The following CFAP91 variants were observed in gnomAD, a reference collection of about 807,000 sequenced individuals.
The protein encoded by CFAP91 is cilia and flagella associated protein 91.
Under a neutral mutation model 95.9 loss-of-function variants are expected in CFAP91, and 85 were observed. That is an observed-to-expected ratio of 0.89 (90% CI 0.74 to 1.06). The LOEUF (loss-of-function observed/expected upper bound fraction) is 1.06. CFAP91 is among the 50% of genes least tolerant of loss of function. CFAP91 has a pLI of 0.00. For missense variants in CFAP91, 962 were observed against 943.4 expected (o/e 1.02, Z -0.26); for synonymous variants, 335 against 327.5 (o/e 1.02, Z -0.25).
At chr3:119,721,717 G>A (rs2053687738) in intron 6 of CFAP91, among the ~76,000 whole-genome samples, 2 of 152,194 alleles carry the variant, frequency 1.3e-5, no homozygotes, top group Non-Finnish European at 1.5e-5. Flanking sequence ...AGTGCAGCAA[G>A]ATAAGAGAAA....
chr3:119,753,752 A>C (rs2107916606), intron 17 of CFAP91, among the ~76,000 whole-genome samples: 1 of 152,228 alleles, frequency 6.6e-6, no homozygotes, highest in African/African-American at 2.4e-5. Flanking sequence ...ATTTTGGTAC[A>C]CCCATCACCA....
chr3:119,724,533 T>C (rs1480504647), intron 6 of CFAP91, among the ~76,000 whole-genome samples: 1 of 152,096 alleles, frequency 6.6e-6, no homozygotes, highest in Non-Finnish European at 1.5e-5. Flanking sequence ...TAGATACATA[T>C]ATATACATAT....
intron 14 of CFAP91, 140 bp downstream of exon 14, chr3:119,744,336 C>A: frequency 1.6e-6 from 1 of 631,874 alleles, no homozygotes; most frequent in Non-Finnish European, 2.7e-6. Context: ...TACAGAGGCA[C>A]TGTGGGAAAC....
intron 7 of CFAP91, among the ~76,000 whole-genome samples, 154 bp from the exon 8 acceptor site, chr3:119,730,066 C>T (rs1308136846): frequency 6.6e-6 from 1 of 152,166 alleles, no homozygotes; most frequent in African/African-American, 2.4e-5. Context: ...CCCCCACGCC[C>T]TCAATTCATC....
chr3:119,722,456 C>CA lies in CFAP91; in HGVS notation c.683-3707dup, dbSNP rs201656889. On this transcript the variant is annotated intron_variant, in intron 6 of 17. Coordinates refer to ENST00000273390, the MANE Select transcript of CFAP91 (RefSeq NM_033364.4). ...CCTAGGTGACAGAGCAAGACTCTGCCAAAAAAAAGAAAAAAATCTTGAAAA... is the reference window on the plus strand; with the variant it reads ...CCTAGGTGACAGAGCAAGACTCTGCCAAAAAAAAAGAAAAAAATCTTGAAAA... Among the ~76,000 whole-genome samples, 1,113 of 150,842 alleles carry CA rather than the reference C, an allele frequency of 7.4e-3. 7 individuals are homozygous for CA. The highest frequency in any genetic ancestry group is 0.038 in the Middle Eastern group (11 of 292).
chr3:119,709,878 T>G lies in CFAP91; in HGVS notation c.483T>G (p.Val161=). 1 of 1,611,886 alleles carries G rather than the reference T, an allele frequency of 6.2e-7. No individual in the cohort carries two copies. The highest frequency in any genetic ancestry group is 8.5e-7 in the Non-Finnish European group (1 of 1,178,000). The change falls in exon 5 of 18, where the codon GTT becomes GTG. Residue 161 remains valine, a synonymous_variant. Coordinates refer to ENST00000273390, the MANE Select transcript of CFAP91 (RefSeq NM_033364.4). ...TTTTTCAGCAGATGCCATTCAATGTTGTTTATGCCGTATCCAAGTAAGTAA... is the reference window on the plus strand; with the variant it reads ...TTTTTCAGCAGATGCCATTCAATGTGGTTTATGCCGTATCCAAGTAAGTAA... ...LPFFQQMPFN[V]VYAVSKAEPY... is the part of the protein sequence containing the mutation.
chr3:119,754,202 T>C (rs2054380507), intron 17 of CFAP91, among the ~76,000 whole-genome samples: 1 of 152,226 alleles, frequency 6.6e-6, no homozygotes, highest in Admixed American at 6.5e-5. Context: ...GTGACCCTTA[T>C]TATAAAATGG....
intron 5 of CFAP91, among the ~76,000 whole-genome samples, chr3:119,712,530 G>A (rs1308429452): frequency 6.6e-6 from 1 of 152,126 alleles, no homozygotes; most frequent in Non-Finnish European, 1.5e-5. Flanking sequence ...CTGATTTGAA[G>A]TTATTTATTC....
Position 119,744,682 on chromosome 3 carries a change from A to AG in CFAP91, c.1902+490dup, listed in dbSNP as rs140551929. On this transcript the variant is annotated intron_variant, in intron 14 of 17. Coordinates refer to ENST00000273390, the MANE Select transcript of CFAP91 (RefSeq NM_033364.4). ...GGAAAGTTGAGAGAGGAATAAGCTT[A>AG]GGGGCAGGGGAGGAATCAGGAAATC... is the stretch of plus-strand genomic sequence containing the variant. Among the ~76,000 whole-genome samples the AG allele has an allele frequency of 2.0e-5, 3 of 152,298 alleles. No homozygotes were observed. In the East Asian group the frequency reaches 5.8e-4, roughly 29 times the overall value.
chr3:119,714,323 G>T (rs547437460), intron 5 of CFAP91, among the ~76,000 whole-genome samples: 30 of 146,722 alleles, frequency 2.0e-4, no homozygotes. Flanking sequence ...CCGAGATCGC[G>T]CTACTGCACT....
chr3:119,726,109 A>G, intron 6 of CFAP91, 62 bp from the exon 7 acceptor site: 1 of 1,414,134 alleles, frequency 7.1e-7, no homozygotes, highest in Non-Finnish European at 9.6e-7. Flanking sequence ...GGAGTTAATT[A>G]TATACTGGGG....
intron 5 of CFAP91, among the ~76,000 whole-genome samples, chr3:119,714,848 G>T (rs1323225799): frequency 1.3e-5 from 2 of 151,974 alleles, no homozygotes; most frequent in Non-Finnish European, 2.9e-5. Context: ...TCCTTTTATG[G>T]TTTCTGGCTT....
At chr3:119,723,660 A>G (rs922641417) in intron 6 of CFAP91, among the ~76,000 whole-genome samples, 3 of 152,198 alleles carry the variant, frequency 2.0e-5, no homozygotes, top group South Asian at 2.1e-4. Flanking sequence ...TCTTGCTTCT[A>G]TAGAATTCAT....
intron 8 of CFAP91, among the ~76,000 whole-genome samples, chr3:119,730,608 G>A (rs1446056474): frequency 2.6e-5 from 1 of 38,632 alleles, no homozygotes; most frequent in African/African-American, 9.4e-5. Context: ...GATAGTGTGT[G>A]TGTGTGTGTG....
intron 5 of CFAP91, chr3:119,710,117 T>G: frequency 3.9e-6 from 2 of 511,520 alleles, no homozygotes; most frequent in South Asian, 5.7e-5. Context: ...AGTTGGTTTT[T>G]GTTTATAACT....
chr3:119,718,972 G>T (rs2053630021), intron 6 of CFAP91, among the ~76,000 whole-genome samples: 1 of 149,590 alleles, frequency 6.7e-6, no homozygotes, highest in Non-Finnish European at 1.5e-5. Context: ...TTCACCAAAA[G>T]ACATATACAA....
chr3:119,708,165 C>A (rs2053406846), intron 3 of CFAP91, among the ~76,000 whole-genome samples: 1 of 151,350 alleles, frequency 6.6e-6, no homozygotes, highest in Non-Finnish European at 1.5e-5. Context: ...CCTGTAGTCC[C>A]AGCTACTTGG....
intron 5 of CFAP91, among the ~76,000 whole-genome samples, chr3:119,713,575 A>T (rs1174624081): frequency 6.6e-6 from 1 of 152,154 alleles, no homozygotes; most frequent in African/African-American, 2.4e-5. Context: ...ACCAACTTGA[A>T]AAAAATGCCT....
At position 119,726,143 on chromosome 3, in the gene CFAP91, TC is replaced by T. The variant is rs747494154; in HGVS notation, c.683-26del. On this transcript the variant is annotated intron_variant, in intron 6 of 17. Coordinates refer to ENST00000273390, the MANE Select transcript of CFAP91 (RefSeq NM_033364.4). ...GGGGTGCATGGGTCAGCTCACTTGTTCCTAAGCTGTGCTGCTTTATCCTGCA... is the reference window on the plus strand; with the variant it reads ...GGGGTGCATGGGTCAGCTCACTTGTTCTAAGCTGTGCTGCTTTATCCTGCA... 4 of 1,580,704 alleles carry T rather than the reference TC, an allele frequency of 2.5e-6. No individual in the cohort carries two copies. The East Asian group carries it at 9.0e-5, about 35-fold the overall frequency.
Sources: gnomAD v4.1 joint callset for allele counts (sites outside exome capture counted in the v4.1 genomes callset) on GRCh38, gnomAD v4.1.1 for gene constraint, MANE v1.5 for transcripts, NCBI Gene and HGNC (gene_info 2026-07-23, HGNC 2026-07-21) for gene names.